Variants in FANCI observed in about 807,000 individuals in gnomAD.
FANCI encodes FA complementation group I.
In FANCI, 156 loss-of-function variants were observed where a neutral mutation model predicts 176.1. The observed-to-expected ratio is 0.89, with a 90% CI of 0.78 to 1.01. FANCI has a LOEUF of 1.01. Among genes scored for constraint, FANCI ranks in the 50% least tolerant of loss-of-function variants. The pLI is 0.00. For missense variants in FANCI, 1,678 were observed against 1,534.1 expected, an observed-to-expected ratio of 1.09 and a Z score of -1.57; for synonymous variants, 613 against 541.7, an observed-to-expected ratio of 1.13 and a Z score of -1.83.
At chr15:89,279,251 G>C (rs2053524306) in intron 14 of FANCI, among the ~76,000 whole-genome samples, 2 of 152,110 alleles carry the variant, frequency 1.3e-5, no homozygotes, top group African/African-American at 4.8e-5. Flanking sequence ...TCTGCCTCCT[G>C]GGTTCACGCA....
At chr15:89,295,142 TCTC>T (rs2054204964) in intron 24 of FANCI, 48 bp downstream of exon 24, 1 of 1,523,780 alleles carries the variant, frequency 6.6e-7, no homozygotes, top group South Asian at 1.3e-5. Flanking sequence ...GGCTGTGGTG[TCTC>T]CAAGAGAACA....
chr15:89,295,366 G>GAAAAAAAAA (rs373941070), intron 24 of FANCI, among the ~76,000 whole-genome samples: 4 of 96,302 alleles, frequency 4.2e-5, no homozygotes, highest in Admixed American at 1.1e-4. Flanking sequence ...ACTCTCAAAA[G>GAAAAAAAAA]AAAAAAAAAA....
intron 2 of FANCI, 86 bp from the exon 3 acceptor site, chr15:89,258,618 A>G (rs2052594295): frequency 1.0e-6 from 1 of 993,430 alleles, no homozygotes; most frequent in Non-Finnish European, 1.6e-6. Context: ...TGAACGTGAC[A>G]GAAGAGTACT....
In FANCI at chr15:89,277,590, T is replaced by TGCA. The variant is rs779835133; in HGVS notation, c.1293+699_1293+700insGCA. ...TTGCACCACTGCACTCCAGCCTGGG[T>TGCA]AACAAAGTGAGATCCTATCTCAAAA... On this transcript the variant is annotated intron_variant, in intron 13 of 37. Coordinates refer to ENST00000310775, the MANE Select transcript of FANCI (RefSeq NM_001113378.2). 3.1e-3 allele frequency among the ~76,000 whole-genome samples: 381 copies of TGCA among 121,230 alleles called. 8 individuals are homozygous for TGCA. Among genetic ancestry groups the TGCA allele is most frequent in the East Asian group, 0.017 (73 of 4,258 alleles). 79.5% of individuals were successfully genotyped at this position (121,230 alleles called of 152,430 possible). A position where few individuals can be genotyped will look rare whatever the true frequency, so the allele number is the denominator to read the frequency against.
At chr15:89,296,562 A>G (rs1413071786) in intron 24 of FANCI, among the ~76,000 whole-genome samples, 1 of 152,170 alleles carries the variant, frequency 6.6e-6, no homozygotes, top group Non-Finnish European at 1.5e-5. Flanking sequence ...TTCTTAGTAC[A>G]GAACAAAATG....
At chr15:89,295,239 C>T (rs2054208564) in intron 24 of FANCI, 145 bp downstream of exon 24, 2 of 932,602 alleles carry the variant, frequency 2.1e-6, no homozygotes, top group Admixed American at 2.9e-5. Flanking sequence ...AGGTGGCAGG[C>T]ACTTGTAATC....
Position 89,316,687 on chromosome 15 carries a change from G to T in FANCI, c.*228G>T. 1 of 1,389,594 alleles carries T rather than the reference G, an allele frequency of 7.2e-7. No homozygotes were observed. The highest frequency in any genetic ancestry group is 1.4e-5 in the African/African-American group (1 of 70,006). The allele number at this position is 1,389,594 out of a possible 1,614,324, so 86.1% of individuals were successfully genotyped here. A position where few individuals can be genotyped will look rare whatever the true frequency, so the allele number is the denominator to read the frequency against. ...GCAAAAAGCACAGCTGAAAGCCTGA[G>T]TTTGGGAGCCTGCACCACCCCGATG... On this transcript the variant is annotated 3_prime_UTR_variant, in exon 38 of 38. Transcript: ENST00000310775.
chr15:89,315,677 A>T (rs1389012318), intron 37 of FANCI, among the ~76,000 whole-genome samples: 1 of 152,186 alleles, frequency 6.6e-6, no homozygotes, highest in Non-Finnish European at 1.5e-5. Context: ...CTACTGGATG[A>T]TGACCAGCTA....
At chr15:89,267,179 G>T (rs2052998112) in intron 9 of FANCI, among the ~76,000 whole-genome samples, 4 of 152,150 alleles carry the variant, frequency 2.6e-5, no homozygotes, top group Admixed American at 2.6e-4. Context: ...AAATAGCCAG[G>T]CGCAGTGGCT....
At chr15:89,276,318 A>C (rs2053409902) in intron 12 of FANCI, among the ~76,000 whole-genome samples, 1 of 152,126 alleles carries the variant, frequency 6.6e-6, no homozygotes, top group African/African-American at 2.4e-5. Flanking sequence ...CTATACTATG[A>C]CCTCTCTCCT....
Position 89,278,705 on chromosome 15 carries a change from C to G in FANCI, c.1312C>G (p.Gln438Glu), listed in dbSNP as rs2053498235. The change falls in exon 14 of 38, where the codon CAA becomes GAA. Residue 438 changes from glutamine (Q) to glutamate (E), a missense_variant. This residue lies in a region of FANCI where 1,204 missense variants were observed against 1,077.4 expected (regional missense o/e 1.12). Coordinates refer to ENST00000310775, the MANE Select transcript of FANCI (RefSeq NM_001113378.2). ...ETFKIHEMIR[Q>E]EILEQVLNRV... Reference sequence around the variant, plus strand: ...TTTTTAGATCCATGAGATGATCAGACAAGAAATTTTGGAGCAGGTCCTCAA... The same window carrying G: ...TTTTTAGATCCATGAGATGATCAGAGAAGAAATTTTGGAGCAGGTCCTCAA... The G allele has an allele frequency of 6.2e-7, 1 of 1,613,674 alleles. No individual in the cohort carries two copies. The highest frequency in any genetic ancestry group is 2.2e-5 in the East Asian group (1 of 44,854).
chr15:89,316,051 A>C (rs868494957), intron 37 of FANCI, among the ~76,000 whole-genome samples: 3 of 152,166 alleles, frequency 2.0e-5, no homozygotes, highest in African/African-American at 4.8e-5. Flanking sequence ...TCCAGGCTCT[A>C]ATGTACCTGG....
intron 18 of FANCI, among the ~76,000 whole-genome samples, chr15:89,289,935 G>T (rs1056046242): frequency 1.3e-5 from 2 of 151,848 alleles, no homozygotes; most frequent in Non-Finnish European, 2.9e-5. Flanking sequence ...CAAGTGATCT[G>T]CCTGTCTCAG....
At chr15:89,264,156 G>T in intron 8 of FANCI, 130 bp downstream of exon 8, 1 of 1,051,010 alleles carries the variant, frequency 9.5e-7, no homozygotes, top group Non-Finnish European at 1.5e-6. Context: ...TTTCACGTGA[G>T]CAAACATAGC....
In FANCI at chr15:89,300,321, A is replaced by C. The variant is rs1567170665; in HGVS notation, c.2825A>C (p.Glu942Ala). ...RALDVTDKEG[E>A]EREDADVSVT... is the part of the protein sequence containing the mutation. ...CTAGATGTCACAGATAAGGAAGGAG[A>C]AGAGAGAGAAGATGCAGATGTCAGT... Residue 942 changes from glutamate (E) to alanine (A), a missense_variant, in exon 26 of 38, where the codon GAA becomes GCA. Coordinates refer to ENST00000310775, the MANE Select transcript of FANCI (RefSeq NM_001113378.2). 1.9e-6 allele frequency: 3 copies of C among 1,613,778 alleles called. No homozygotes were observed. The African/African-American group carries it at 4.0e-5, about 22-fold the overall frequency.
chr15:89,273,308 TTTAAA>T, intron 10 of FANCI, 64 bp from the exon 11 acceptor site: 3 of 793,466 alleles, frequency 3.8e-6, no homozygotes, highest in East Asian at 2.6e-5. Context: ...TCTTTTTTTT[TTTAAA>T]AAAAAAAAAA....
intron 10 of FANCI, among the ~76,000 whole-genome samples, chr15:89,271,416 T>C (rs999350198): frequency 3.3e-5 from 5 of 152,260 alleles, no homozygotes; most frequent in African/African-American, 4.8e-5. Context: ...ATGTGGTCTT[T>C]TGTGTATGTC....
intron 27 of FANCI, among the ~76,000 whole-genome samples, chr15:89,303,406 C>G (rs1024544269): frequency 1.3e-5 from 2 of 152,192 alleles, no homozygotes; most frequent in Non-Finnish European, 1.5e-5. Context: ...TCTTTTATTT[C>G]TCTTTTTTCT....
At chr15:89,249,234 A>T (rs1394138063) in intron 2 of FANCI, among the ~76,000 whole-genome samples, 1 of 152,232 alleles carries the variant, frequency 6.6e-6, no homozygotes, top group Non-Finnish European at 1.5e-5. Context: ...TATAAAACAC[A>T]TAAAGAAGTC....
Sources: allele counts gnomAD v4.1 joint callset (sites outside exome capture counted in the v4.1 genomes callset), GRCh38; gene constraint gnomAD v4.1.1; regional missense constraint gnomAD v4.1.1; transcripts MANE v1.5; gene names NCBI Gene and HGNC (gene_info 2026-07-23, HGNC 2026-07-21).